Variants in CCAR1 observed in about 807,000 individuals in gnomAD.
CCAR1 encodes the protein cell division cycle and apoptosis regulator protein 1.
In CCAR1, 78 loss-of-function variants were observed where a neutral mutation model predicts 163.8. The observed-to-expected ratio is 0.48, with a 90% CI of 0.40 to 0.57. CCAR1 has a LOEUF of 0.57. Ranked by LOEUF, CCAR1 falls within the 20% of genes least tolerant of loss-of-function variation. CCAR1 has a pLI of 0.00. For synonymous variants in CCAR1, 443 were observed against 460.7 expected (o/e 0.96, Z 0.49); for missense variants, 1,019 against 1,365.2 (o/e 0.75, Z 4.00).
chr10:68,757,439 G>T, intron 15 of CCAR1, 62 bp downstream of exon 15: 1 of 914,684 alleles, frequency 1.1e-6, no homozygotes. Context: ...TTCTGAGATG[G>T]AGTCTCGCTC....
chr10:68,783,056 G>A (rs2056755356), intron 19 of CCAR1, among the ~76,000 whole-genome samples: 1 of 144,964 alleles, frequency 6.9e-6, no homozygotes, highest in Non-Finnish European at 1.5e-5. Context: ...AGGCTGGAAT[G>A]CAGTGGCGTG....
chr10:68,734,865 T>A (rs1025351455), intron 2 of CCAR1, among the ~76,000 whole-genome samples: 1 of 152,166 alleles, frequency 6.6e-6, no homozygotes, highest in East Asian at 1.9e-4. Flanking sequence ...GGTAAAAGGA[T>A]CAAGTAAAAC....
intron 6 of CCAR1, among the ~76,000 whole-genome samples, chr10:68,743,673 G>A (rs1446086781): frequency 6.6e-6 from 1 of 151,646 alleles, no homozygotes; most frequent in Admixed American, 6.6e-5. Context: ...CTCCCAAGTA[G>A]CAGGGACAAC....
At chr10:68,765,791 T>C in intron 16 of CCAR1, 97 bp from the exon 17 acceptor site, 1 of 823,710 alleles carries the variant, frequency 1.2e-6, no homozygotes, top group Non-Finnish European at 1.9e-6. Context: ...TTTGTTCCTT[T>C]TATTTATGAG....
chr10:68,766,185 G>T, intron 17 of CCAR1, 106 bp downstream of exon 17: 4 of 747,220 alleles, frequency 5.4e-6, no homozygotes, highest in South Asian at 2.2e-5. Flanking sequence ...CGCTTTTCGT[G>T]GTTTTTTTTG....
At chr10:68,722,602 G>A (rs912420084) in intron 2 of CCAR1, 25 bp downstream of exon 2, 3 of 1,556,304 alleles carry the variant, frequency 1.9e-6, no homozygotes, top group African/African-American at 1.4e-5. Context: ...TACATGTACT[G>A]TAATTGTTTG....
intron 8 of CCAR1, among the ~76,000 whole-genome samples, chr10:68,748,727 T>G (rs946623328): frequency 1.1e-4 from 16 of 152,068 alleles, no homozygotes; most frequent in Non-Finnish European, 1.9e-4. Context: ...TTCTTTCTTT[T>G]TTTGGAGACA....
intron 19 of CCAR1, among the ~76,000 whole-genome samples, chr10:68,775,497 C>CTTTTTTT (rs58856212): frequency 5.9e-3 from 691 of 117,752 alleles, no homozygotes; most frequent in East Asian, 9.9e-3. Context: ...GCCTCATTTT[C>CTTTTTTT]TTTTTTTTTT....
intron 10 of CCAR1, among the ~76,000 whole-genome samples, chr10:68,750,295 A>T (rs1554820331): frequency 6.8e-6 from 1 of 147,254 alleles, no homozygotes; most frequent in Non-Finnish European, 1.5e-5. Flanking sequence ...AGCTCACTGC[A>T]GCCTCTGCCT....
At chr10:68,783,139 A>C (rs1371323428) in intron 19 of CCAR1, among the ~76,000 whole-genome samples, 1 of 151,238 alleles carries the variant, frequency 6.6e-6, no homozygotes, top group Non-Finnish European at 1.5e-5. Flanking sequence ...AGTAGCTGGG[A>C]TTACAGGCAT....
intron 6 of CCAR1, among the ~76,000 whole-genome samples, chr10:68,743,537 C>A (rs1348492073): frequency 6.6e-6 from 1 of 150,942 alleles, no homozygotes; most frequent in Non-Finnish European, 1.5e-5. Flanking sequence ...TTTTTCTTTC[C>A]TACTTTCTTT....
rs1462640200 is a variant in CCAR1 at position 68,755,311 on chromosome 10, C to G, written c.1459-59C>G. ...GTTTGTACCTTTCCTTCTCAAGTAT[C>G]TTATTGGTAATTTGACAGGGTGCGT... On this transcript the variant is annotated intron_variant, in intron 12 of 24. Coordinates refer to ENST00000265872, the MANE Select transcript of CCAR1 (RefSeq NM_018237.4). 9.8e-6 allele frequency: 14 copies of G among 1,433,980 alleles called. No homozygotes were observed. In the South Asian group the frequency reaches 1.4e-4, roughly 14 times the overall value. The allele number at this position is 1,433,980 out of a possible 1,614,324, so 88.8% of individuals were successfully genotyped here.
In CCAR1 at chr10:68,740,414, C is replaced by T. The variant is rs151087721; in HGVS notation, c.292-215C>T. 6.0e-3 allele frequency among the ~76,000 whole-genome samples: 919 copies of T among 152,194 alleles called. 7 individuals carry two copies. Among genetic ancestry groups the T allele is most frequent in the African/African-American group, 0.021 (877 of 41,530 alleles). On this transcript the variant is annotated intron_variant, in intron 4 of 24. Coordinates refer to ENST00000265872, the MANE Select transcript of CCAR1 (RefSeq NM_018237.4). ...GGCTGGGTGCAGTGGCTCATGTCTG[C>T]AATACTGTCACTTTGGGAGGCCAAG...
intron 16 of CCAR1, among the ~76,000 whole-genome samples, chr10:68,764,239 G>GCTC (rs1564544503): frequency 6.6e-6 from 1 of 152,106 alleles, no homozygotes; most frequent in Non-Finnish European, 1.5e-5. Flanking sequence ...TAATGAAGCA[G>GCTC]CTCATCATCA....
At chr10:68,790,334 A>C (rs1290869190) in intron 24 of CCAR1, among the ~76,000 whole-genome samples, 2 of 151,750 alleles carry the variant, frequency 1.3e-5, no homozygotes, top group Non-Finnish European at 2.9e-5. Context: ...TAGCCTGGGC[A>C]ACAGAACTAG....
Position 68,749,583 on chromosome 10 carries a change from C to G in CCAR1, c.1016C>G (p.Ser339Cys). 1 of 1,613,820 alleles carries G rather than the reference C, an allele frequency of 6.2e-7. No homozygotes were observed. The highest frequency in any genetic ancestry group is 8.5e-7 in the Non-Finnish European group (1 of 1,179,848). ...SRERSPQRKRSRERSPRRERE... is the reference protein window; with the variant it reads ...SRERSPQRKRCRERSPRRERE... ...GAAAGATCACCTCAGAGGAAACGTTCCCGGGAAAGATCTCCACGAAGAGAG... is the reference window on the plus strand; with the variant it reads ...GAAAGATCACCTCAGAGGAAACGTTGCCGGGAAAGATCTCCACGAAGAGAG... The change falls in exon 10 of 25, where the codon TCC becomes TGC. Residue 339 changes from serine (S) to cysteine (C), a missense_variant. By Grantham distance (112) the Ser-to-Cys change is moderately radical. Around this residue, in one of 4 missense-constraint regions of CCAR1, gnomAD observed 644 missense variants for 904.4 expected, o/e 0.71. Coordinates refer to ENST00000265872, the MANE Select transcript of CCAR1 (RefSeq NM_018237.4).
intron 2 of CCAR1, among the ~76,000 whole-genome samples, chr10:68,736,509 G>T (rs1383334414): frequency 6.6e-6 from 1 of 152,098 alleles, no homozygotes; most frequent in African/African-American, 2.4e-5. Context: ...ACAGCCTCTT[G>T]TAGCCACCAT....
intron 16 of CCAR1, among the ~76,000 whole-genome samples, chr10:68,763,413 T>G (rs1187347104): frequency 1.3e-5 from 2 of 151,890 alleles, no homozygotes; most frequent in African/African-American, 4.8e-5. Context: ...CCTCCCAAAG[T>G]GCTGGTATTA....
intron 12 of CCAR1, 38 bp downstream of exon 12, chr10:68,754,865 A>C (rs763136250): frequency 8.9e-7 from 1 of 1,124,068 alleles, no homozygotes; most frequent in Non-Finnish European, 1.4e-6. Flanking sequence ...AGATGTATTC[A>C]CTTTGCTTAG....
Sources: gnomAD v4.1 joint callset for allele counts (sites outside exome capture counted in the v4.1 genomes callset) on GRCh38, gnomAD v4.1.1 for gene constraint, gnomAD v4.1.1 regional missense constraint, MANE v1.5 for transcripts, NCBI Gene and HGNC (gene_info 2026-07-23, HGNC 2026-07-21) for gene names.